Variants in TFEC observed in about 807,000 individuals in gnomAD.
TFEC encodes transcription factor EC, also known as class E basic helix-loop-helix protein 34.
Under a neutral mutation model 41.6 loss-of-function variants are expected in TFEC, and 31 were observed. The observed-to-expected ratio is 0.74, with a 90% CI of 0.56 to 1.01. The LOEUF (loss-of-function observed/expected upper bound fraction) is 1.01. TFEC is among the 50% of genes least tolerant of loss of function. The pLI is 0.00. For missense variants in TFEC, 402 were observed against 404.1 expected, an observed-to-expected ratio of 0.99 and a Z score of 0.04; for synonymous variants, 143 against 140.6, an observed-to-expected ratio of 1.02 and a Z score of -0.12.
At position 116,147,317 on chromosome 7, in the gene TFEC, C is replaced by A. The variant is rs564752202; in HGVS notation, c.-69+12473G>T. ...ATATTATAGTGAAAGTGCAGAATAT[C>A]AAAGACAAAGAGTTCTTAAAACATC... is the stretch of plus-strand genomic sequence containing the variant. On this transcript the variant is annotated intron_variant, in intron 1 of 8. Coordinates refer to the TFEC transcript ENST00000484212. Among the ~76,000 whole-genome samples, 13 of 152,110 alleles carry A rather than the reference C, an allele frequency of 8.5e-5. No homozygotes were observed. The East Asian group carries it at 2.5e-3, about 29-fold the overall frequency.
intron 1 of TFEC, among the ~76,000 whole-genome samples, chr7:116,127,023 A>G (rs981726492): frequency 1.3e-5 from 2 of 152,122 alleles, no homozygotes; most frequent in African/African-American, 4.8e-5. Flanking sequence ...CTTAATTTCA[A>G]CCTTTCTGAC....
At chr7:116,011,243 C>A (rs1794988835) in intron 1 of TFEC, among the ~76,000 whole-genome samples, 2 of 152,046 alleles carry the variant, frequency 1.3e-5, no homozygotes, top group African/African-American at 4.8e-5. Flanking sequence ...ACACATCTAA[C>A]CCTAGGATTT....
intron 3 of TFEC, among the ~76,000 whole-genome samples, chr7:115,962,754 G>A (rs1049025887): frequency 5.3e-5 from 8 of 151,728 alleles, no homozygotes; most frequent in Non-Finnish European, 2.9e-5. Context: ...AGGGGGAGAA[G>A]CTACTGGCCG....
At chr7:116,067,146 A>G (rs1317877174) in intron 3 of TFEC, among the ~76,000 whole-genome samples, 2 of 152,050 alleles carry the variant, frequency 1.3e-5, no homozygotes, top group Non-Finnish European at 2.9e-5. Flanking sequence ...GATCCCTGAG[A>G]TAAACCCTCT....
intron 2 of TFEC, among the ~76,000 whole-genome samples, chr7:115,975,392 T>C (rs1048483190): frequency 2.0e-5 from 3 of 152,128 alleles, no homozygotes; most frequent in Admixed American, 1.3e-4. Flanking sequence ...AGGAGTACAC[T>C]CTAATAGATA....
chr7:116,034,517 C>T (rs550165011), upstream of TFEC, among the ~76,000 whole-genome samples: 11 of 152,156 alleles, frequency 7.2e-5, no homozygotes, highest in South Asian at 2.3e-3. Flanking sequence ...TCAGTAACTC[C>T]TGTGAGCTCA....
intron 3 of TFEC, among the ~76,000 whole-genome samples, chr7:115,966,036 T>C (rs1792831000): frequency 6.6e-6 from 1 of 151,672 alleles, no homozygotes; most frequent in African/African-American, 2.4e-5. Context: ...TAACTACCAC[T>C]ACCCCTCCCA....
chr7:116,125,544 A>C (rs1798191868), intron 1 of TFEC, among the ~76,000 whole-genome samples: 1 of 152,210 alleles, frequency 6.6e-6, no homozygotes, highest in African/African-American at 2.4e-5. Flanking sequence ...TTGGTCTTGA[A>C]TAAGGAAGCA....
At chr7:115,949,254 C>T (rs1027282007) in intron 6 of TFEC, among the ~76,000 whole-genome samples, 6 of 151,818 alleles carry the variant, frequency 4.0e-5, no homozygotes, top group African/African-American at 1.5e-4. Flanking sequence ...GAATCAATAT[C>T]GTGAAAATGG....
intron 2 of TFEC, 139 bp from the exon 3 acceptor site, chr7:115,974,395 A>T (rs1319507087): frequency 1.4e-5 from 2 of 147,692 alleles, no homozygotes; most frequent in Non-Finnish European, 2.8e-5. Context: ...CATATATATA[A>T]AACCTCAATA....
At chr7:116,069,217 AG>A (rs2131016227) in intron 3 of TFEC, among the ~76,000 whole-genome samples, 1 of 151,816 alleles carries the variant, frequency 6.6e-6, no homozygotes, top group African/African-American at 2.4e-5. Context: ...ATTGATTAGA[AG>A]AATAGAGGAG....
chr7:115,954,304 A>G (rs543440508), intron 5 of TFEC, among the ~76,000 whole-genome samples: 1 of 152,162 alleles, frequency 6.6e-6, no homozygotes, highest in East Asian at 1.9e-4. Context: ...AGTGAGTCAC[A>G]ACAGAATTCA....
intron 1 of TFEC, among the ~76,000 whole-genome samples, chr7:116,018,491 G>C (rs1795276419): frequency 6.6e-6 from 1 of 152,062 alleles, no homozygotes; most frequent in Non-Finnish European, 1.5e-5. Context: ...AGCAAGAAAG[G>C]GTGACTAATT....
chr7:116,115,468 T>G (rs1797966745), intron 1 of TFEC, among the ~76,000 whole-genome samples: 1 of 151,914 alleles, frequency 6.6e-6, no homozygotes, highest in African/African-American at 2.4e-5. Flanking sequence ...CCTATATTCT[T>G]TGGCTTGTGG....
chr7:115,948,650 C>T (rs1283897818), intron 6 of TFEC, among the ~76,000 whole-genome samples: 1 of 151,550 alleles, frequency 6.6e-6, no homozygotes, highest in Non-Finnish European at 1.5e-5. Context: ...ATTCAACAAC[C>T]CTTCATGCTA....
At chr7:116,126,953 C>T (rs1451014925) in intron 1 of TFEC, among the ~76,000 whole-genome samples, 2 of 151,678 alleles carry the variant, frequency 1.3e-5, no homozygotes, top group Non-Finnish European at 3.0e-5. Context: ...ATAAATATTG[C>T]CAAATACGGA....
chr7:116,006,976 G>A (rs1321124797), intron 1 of TFEC, among the ~76,000 whole-genome samples: 1 of 152,150 alleles, frequency 6.6e-6, no homozygotes, highest in Admixed American at 6.5e-5. Context: ...CTTCCACCAT[G>A]ATTGTGAGGC....
chr7:116,065,464 T>C (rs981469093), intron 3 of TFEC, among the ~76,000 whole-genome samples: 6 of 152,168 alleles, frequency 3.9e-5, no homozygotes, highest in Non-Finnish European at 8.8e-5. Context: ...AATGAAAATA[T>C]AGAAAGATAC....
intron 3 of TFEC, among the ~76,000 whole-genome samples, chr7:115,967,947 G>A (rs1792943484): frequency 6.6e-6 from 1 of 151,612 alleles, no homozygotes; most frequent in Non-Finnish European, 1.5e-5. Context: ...ATAATAAACA[G>A]GAGTTTGAAT....
Sources: gnomAD v4.1 joint callset for allele counts (sites outside exome capture counted in the v4.1 genomes callset) on GRCh38, gnomAD v4.1.1 for gene constraint, MANE v1.5 for transcripts, NCBI Gene and HGNC (gene_info 2026-07-23, HGNC 2026-07-21) for gene names.